Variants in EPHB3 observed in about 807,000 individuals in gnomAD.
The protein encoded by EPHB3 is EPH receptor B3.
Under a neutral mutation model 100.2 loss-of-function variants are expected in EPHB3, and 33 were observed. The ratio of observed to expected loss-of-function variants is 0.33; its 90% CI spans 0.25 to 0.44. EPHB3 has a LOEUF of 0.44. Among genes scored for constraint, EPHB3 ranks in the 20% least tolerant of loss-of-function variants. The pLI is 1.00. For synonymous variants in EPHB3, 526 were observed against 554.7 expected (o/e 0.95, Z 0.73); for missense variants, 1,045 against 1,378.3 (o/e 0.76, Z 3.83).
chr3:184,578,509 C>A lies in EPHB3; in HGVS notation c.1801+43C>A. 6.2e-7 allele frequency: 1 copy of A among 1,612,100 alleles called. No individual in the cohort carries two copies. Among genetic ancestry groups the A allele is most frequent in the African/African-American group, 1.3e-5 (1 of 75,004 alleles). ...GCCCTCCCCAAGCTCTCCCAGCCCCCTGCAGGGCTCTCAGACACCCTTCTC... is the reference window on the plus strand; with the variant it reads ...GCCCTCCCCAAGCTCTCCCAGCCCCATGCAGGGCTCTCAGACACCCTTCTC... On this transcript the variant is annotated intron_variant, in intron 9 of 15. Transcript: ENST00000330394. This position sits in a 1 kb window ranked among gnomAD's most constrained non-coding sequence, Gnocchi z 4.7.
intron 3 of EPHB3, chr3:184,575,299 C>T (rs1208322787): frequency 2.1e-6 from 2 of 939,252 alleles, no homozygotes; most frequent in South Asian, 4.9e-5. Context: ...CCTCAGCCCC[C>T]ATCCCTGCCC....
chr3:184,571,179 C>G lies in EPHB3; in HGVS notation c.119-139C>G. 1.4e-6 allele frequency: 1 copy of G among 730,458 alleles called. No homozygotes were observed. Among genetic ancestry groups the G allele is most frequent in the Non-Finnish European group, 2.4e-6 (1 of 418,556 alleles). The allele number at this position is 730,458 out of a possible 1,614,324, so 45.2% of individuals were successfully genotyped here. On this transcript the variant is annotated intron_variant, in intron 1 of 15. Coordinates refer to ENST00000330394, the MANE Select transcript of EPHB3 (RefSeq NM_004443.4). This position sits in a 1 kb window ranked among gnomAD's most constrained non-coding sequence, Gnocchi z 5.0. ...ATGTTGGTCAGACTGATCTCAAACT[C>G]CTGACCTCAAGTGATCCACCTGCCT...
In EPHB3 at chr3:184,580,386, T is replaced by C; in HGVS notation, c.2173-16T>C. Reference sequence around the variant, plus strand: ...TGGGAGCAATGGGCTCACCTGAGCCTGCTTGTTGCCTGCAGCTCAACGATG... The same window carrying C: ...TGGGAGCAATGGGCTCACCTGAGCCCGCTTGTTGCCTGCAGCTCAACGATG... On this transcript the variant is annotated splice_polypyrimidine_tract_variant and intron_variant, in intron 11 of 15. Coordinates refer to ENST00000330394, the MANE Select transcript of EPHB3 (RefSeq NM_004443.4). 2 of 1,614,194 alleles carry C rather than the reference T, an allele frequency of 1.2e-6. No homozygotes were observed. Among genetic ancestry groups the C allele is most frequent in the Non-Finnish European group, 1.7e-6 (2 of 1,180,012 alleles).
At chr3:184,575,079 T>G in intron 3 of EPHB3, 2 of 926,526 alleles carry the variant, frequency 2.2e-6, no homozygotes, top group Non-Finnish European at 2.6e-6. Flanking sequence ...AATGTTCCAG[T>G]GTGAAGAATA....
At position 184,581,285 on chromosome 3, in the gene EPHB3, C is replaced by T. The variant is rs1714813918; in HGVS notation, c.2765C>T (p.Pro922Leu). The change falls in exon 15 of 16, where the codon CCA becomes CTA. Residue 922 changes from proline to leucine, a missense_variant. Pro to Leu is a moderately conservative substitution (Grantham distance 98). Transcript: ENST00000330394. ...CAGCCCCTCCTGGACCGCACGGTCC[C>T]AGATTACACAACCTTCACGACAGTT... ...MSQPLLDRTV[P>L]DYTTFTTVGD... 6.2e-7 allele frequency: 1 copy of T among 1,603,610 alleles called. No individual in the cohort carries two copies. The highest frequency in any genetic ancestry group is 8.5e-7 in the Non-Finnish European group (1 of 1,174,340).
chr3:184,564,420 C>G (rs1306590851), intron 1 of EPHB3, among the ~76,000 whole-genome samples: 1 of 152,256 alleles, frequency 6.6e-6, no homozygotes, highest in Non-Finnish European at 1.5e-5. Context: ...CACCTACCCA[C>G]CCTCTGGCTC....
In EPHB3 at chr3:184,581,926, A is replaced by G. The variant is rs1714833621; in HGVS notation, c.*304A>G. The G allele has an allele frequency of 2.7e-5, 8 of 294,052 alleles. No individual in the cohort carries two copies. Among genetic ancestry groups the G allele is most frequent in the Middle Eastern group, 9.6e-4 (1 of 1,040 alleles). The allele number at this position is 294,052 out of a possible 1,614,324, so 18.2% of individuals were successfully genotyped here. On this transcript the variant is annotated 3_prime_UTR_variant, in exon 16 of 16. Transcript: ENST00000330394. ...ACAACCTCACACTTGTCTGTTCTTC[A>G]GTGCTGGAGGTCCTGGCAGGGTCAG...
chr3:184,566,052 CT>C (rs1415627942), intron 1 of EPHB3, among the ~76,000 whole-genome samples: 4 of 152,170 alleles, frequency 2.6e-5, no homozygotes, highest in Non-Finnish European at 4.4e-5. Flanking sequence ...TGGAGGGAGA[CT>C]GGATACAGCT....
Position 184,577,931 on chromosome 3 carries a change from C to T in EPHB3, c.1673C>T (p.Pro558Leu), listed in dbSNP as rs1254594162. ...SGAQQLQEQL[P>L]LIVGSATAGL... ...GCCCAGCAGCTCCAGGAGCAGCTTC[C>T]CCTCATCGTGGGCTCCGCTACAGCT... Residue 558 changes from proline to leucine, a missense_variant, in exon 8 of 16, where the codon CCC (proline) becomes CTC (leucine). Transcript: ENST00000330394. This position sits in a 1 kb window ranked among gnomAD's most constrained non-coding sequence, Gnocchi z 4.9. 10 of 1,614,034 alleles carry T rather than the reference C, an allele frequency of 6.2e-6. No homozygotes were observed. The highest frequency in any genetic ancestry group is 8.5e-6 in the Non-Finnish European group (10 of 1,179,968).
At chr3:184,574,873 G>A (rs1462508195) in intron 3 of EPHB3, among the ~76,000 whole-genome samples, 1 of 152,226 alleles carries the variant, frequency 6.6e-6, no homozygotes, top group Non-Finnish European at 1.5e-5. Flanking sequence ...AAGAGCTAGG[G>A]TGGAATATCA....
At chr3:184,576,268 C>G (rs951783134) in intron 4 of EPHB3, among the ~76,000 whole-genome samples, 7 of 150,442 alleles carry the variant, frequency 4.7e-5, no homozygotes, top group African/African-American at 1.7e-4. Context: ...GAACTGGCTC[C>G]TAGCCATGCT....
chr3:184,580,627 G>C lies in EPHB3; in HGVS notation c.2388+10G>C. 3.7e-6 allele frequency: 6 copies of C among 1,612,076 alleles called. No homozygotes were observed. The highest frequency in any genetic ancestry group is 5.1e-6 in the Non-Finnish European group (6 of 1,178,342). On this transcript the variant is annotated intron_variant, in intron 12 of 15. Coordinates refer to ENST00000330394, the MANE Select transcript of EPHB3 (RefSeq NM_004443.4). The stretch of plus-strand genomic sequence containing the variant: ...CTACACCAGTTCCCTGGTACAGGAA[G>C]CCGCTGGGAGGGAGACTGGGGGCGG...
In EPHB3 at chr3:184,562,088, T is replaced by A; in HGVS notation, c.-148T>A. 5.9e-6 allele frequency: 1 copy of A among 169,062 alleles called. No homozygotes were observed. The highest frequency in any genetic ancestry group is 1.2e-5 in the Non-Finnish European group (1 of 80,238). 10.5% of individuals were successfully genotyped at this position (169,062 alleles called of 1,614,324 possible). ...TCGGTCCCGGAGCCGCCCGCCTGGA[T>A]TGCATTCCCTCCTCTCCTGGATCTC... On this transcript the variant is annotated 5_prime_UTR_variant, in exon 1 of 16. In the 5' UTR this introduces an upstream ATG that the reference lacks. Transcript: ENST00000330394. The surrounding 1 kb of genome is among the most constrained non-coding windows in gnomAD (Gnocchi z 4.8).
At chr3:184,567,302 C>A (rs557782633) in intron 1 of EPHB3, among the ~76,000 whole-genome samples, 1 of 152,226 alleles carries the variant, frequency 6.6e-6, no homozygotes, top group Non-Finnish European at 1.5e-5. Flanking sequence ...TTTCCCTACA[C>A]CTCTGGCTAA....
In EPHB3 at chr3:184,578,058, C is replaced by A; in HGVS notation, c.1748+52C>A. 6.3e-7 allele frequency: 1 copy of A among 1,581,950 alleles called. No homozygotes were observed. Among genetic ancestry groups the A allele is most frequent in the South Asian group, 1.1e-5 (1 of 89,062 alleles). ...TGGGCCGCCTCGAACTGCCCTTTAG[C>A]ATCCTAGAGCCCTCATGCCACAGAG... On this transcript the variant is annotated intron_variant, in intron 8 of 15. Coordinates refer to ENST00000330394, the MANE Select transcript of EPHB3 (RefSeq NM_004443.4). This position sits in a 1 kb window ranked among gnomAD's most constrained non-coding sequence, Gnocchi z 4.7.
At chr3:184,576,084 A>C (rs2108438347) in intron 4 of EPHB3, 99 bp downstream of exon 4, 1 of 1,443,024 alleles carries the variant, frequency 6.9e-7, no homozygotes, top group East Asian at 2.6e-5. Context: ...CCCATTTTCC[A>C]GGGAAGGAGC....
At chr3:184,575,686 G>C in intron 3 of EPHB3, 144 bp from the exon 4 acceptor site, 1 of 1,075,320 alleles carries the variant, frequency 9.3e-7, no homozygotes, top group Non-Finnish European at 1.3e-6. Context: ...GCTGGAGTTA[G>C]GCAATCCCAG....
chr3:184,576,873 C>T lies in EPHB3; in HGVS notation c.1044C>T (p.Ser348=), dbSNP rs780837073. Residue 348 remains serine, a synonymous_variant, in exon 5 of 16, where the codon TCC becomes TCT. Coordinates refer to ENST00000330394, the MANE Select transcript of EPHB3 (RefSeq NM_004443.4). ...CATCTCCACCCCGAGGTGTGATCTCCAATGTGAATGAAACCTCACTGATCC... is the reference window on the plus strand; with the variant it reads ...CATCTCCACCCCGAGGTGTGATCTCTAATGTGAATGAAACCTCACTGATCC... ...TVPSPPRGVI[S]NVNETSLILE... 4 of 1,557,904 alleles carry T rather than the reference C, an allele frequency of 2.6e-6. No individual in the cohort carries two copies. Among genetic ancestry groups the T allele is most frequent in the South Asian group, 2.5e-5 (2 of 81,454 alleles).
chr3:184,579,805 C>T lies in EPHB3; in HGVS notation c.2043C>T (p.Ser681=), dbSNP rs568698784. The T allele has an allele frequency of 5.6e-5, 90 of 1,613,578 alleles. No homozygotes were observed. Among genetic ancestry groups the T allele is most frequent in the African/African-American group, 1.3e-4 (10 of 74,850 alleles). Residue 681 remains serine, a synonymous_variant, in exon 11 of 16, where the codon AGC becomes AGT. Coordinates refer to ENST00000330394, the MANE Select transcript of EPHB3 (RefSeq NM_004443.4). The surrounding 1 kb of genome is among the most constrained non-coding windows in gnomAD (Gnocchi z 5.2). ...YTERQRRDFL[S]EASIMGQFDH... ...AGAGGCAGCGGCGGGACTTCCTAAG[C>T]GAGGCCTCCATCATGGGTCAGTTTG... is the stretch of plus-strand genomic sequence containing the variant.
Sources: allele counts gnomAD v4.1 joint callset (sites outside exome capture counted in the v4.1 genomes callset), GRCh38; gene constraint gnomAD v4.1.1; non-coding constraint Gnocchi (gnomAD v3.1); transcripts MANE v1.5; gene names NCBI Gene and HGNC (gene_info 2026-07-23, HGNC 2026-07-21).